The following GPATCH8 variants were observed in gnomAD, a reference collection of about 807,000 sequenced individuals.
GPATCH8 encodes the protein G-patch domain containing 8.
Under a neutral mutation model 118.3 loss-of-function variants are expected in GPATCH8, and 18 were observed. That is an observed-to-expected ratio of 0.15 (90% CI 0.11 to 0.23). GPATCH8 has a LOEUF of 0.23. GPATCH8 is among the 10% of genes least tolerant of loss of function. GPATCH8 has a pLI of 1.00. For missense variants in GPATCH8, 1,631 were observed against 1,873.8 expected (o/e 0.87, Z 2.39); for synonymous variants, 659 against 684.7 (o/e 0.96, Z 0.59).
intron 2 of GPATCH8, chr17:44,467,021 CAAA>C (rs2051795439): frequency 1.8e-6 from 1 of 567,074 alleles, no homozygotes; most frequent in African/African-American, 1.9e-5. Context: ...TGAATGCACT[CAAA>C]TAAACAGACA....
chr17:44,491,809 G>A (rs868848761), intron 1 of GPATCH8, among the ~76,000 whole-genome samples: 2 of 152,020 alleles, frequency 1.3e-5, no homozygotes, highest in Admixed American at 6.6e-5. Flanking sequence ...AGCAGTGATC[G>A]CAAATTTCCT....
chr17:44,427,956 T>C (rs1217901947), intron 5 of GPATCH8, among the ~76,000 whole-genome samples: 1 of 152,120 alleles, frequency 6.6e-6, no homozygotes, highest in Non-Finnish European at 1.5e-5. Flanking sequence ...TCCATCCATT[T>C]ATTTCCCACT....
intron 3 of GPATCH8, among the ~76,000 whole-genome samples, chr17:44,438,008 G>A (rs2050573867): frequency 6.7e-6 from 1 of 148,288 alleles, no homozygotes. Flanking sequence ...ACAATCAAAG[G>A]ACTGCCAGTA....
chr17:44,445,879 G>A (rs560677340), intron 3 of GPATCH8: 1 of 152,240 alleles, frequency 6.6e-6, no homozygotes, highest in Non-Finnish European at 1.5e-5. Flanking sequence ...ATGAAACTCA[G>A]GGGATCTGAA....
chr17:44,426,603 C>CAAAA (rs754510329), intron 5 of GPATCH8, among the ~76,000 whole-genome samples: 14 of 82,746 alleles, frequency 1.7e-4, no homozygotes, highest in Middle Eastern at 7.7e-3. Context: ...GACCTTGTCT[C>CAAAA]AAAAAAAAAA....
rs780225432 is a variant in GPATCH8, at chr17:44,396,537, TAGTC to T, written c.*1027_*1030del. The T allele has an allele frequency of 5.1e-5, 23 of 449,538 alleles. No homozygotes were observed. The highest frequency in any genetic ancestry group is 9.5e-5 in the South Asian group (6 of 63,396). The allele number at this position is 449,538 out of a possible 1,614,324, so 27.8% of individuals were successfully genotyped here. ...ATAAGTTTGGTAAAATATACATGCT[TAGTC>T]AGTTTTGCATCTAGCAGAAAACAAA... On this transcript the variant is annotated 3_prime_UTR_variant, in exon 8 of 8. Transcript: ENST00000591680.
intron 4 of GPATCH8, among the ~76,000 whole-genome samples, chr17:44,435,637 GA>G (rs1162436432): frequency 1.3e-5 from 2 of 148,576 alleles, no homozygotes; most frequent in African/African-American, 4.9e-5. Flanking sequence ...GGCTGATCTT[GA>G]ACTCCTCACC....
At chr17:44,441,808 C>A (rs906961882) in intron 3 of GPATCH8, among the ~76,000 whole-genome samples, 3 of 151,708 alleles carry the variant, frequency 2.0e-5, no homozygotes, top group African/African-American at 7.3e-5. Flanking sequence ...GCGGGTGGAT[C>A]ACCTGAGGTC....
chr17:44,404,229 C>T (rs1365398871), intron 7 of GPATCH8, among the ~76,000 whole-genome samples: 1 of 151,972 alleles, frequency 6.6e-6, no homozygotes, highest in Non-Finnish European at 1.5e-5. Flanking sequence ...CCTTGATCTC[C>T]CAGGCTCAAG....
intron 2 of GPATCH8, among the ~76,000 whole-genome samples, chr17:44,469,197 T>C (rs895810641): frequency 1.3e-5 from 2 of 152,234 alleles, no homozygotes; most frequent in African/African-American, 4.8e-5. Flanking sequence ...GGGAAGATCT[T>C]TGACAACAAG....
chr17:44,433,201 G>C (rs1489877518), intron 5 of GPATCH8, among the ~76,000 whole-genome samples: 2 of 151,830 alleles, frequency 1.3e-5, no homozygotes, highest in Non-Finnish European at 1.5e-5. Context: ...GAATTACTGA[G>C]GTATTTCATT....
chr17:44,496,705 G>A (rs1425264587), intron 1 of GPATCH8, among the ~76,000 whole-genome samples: 2 of 152,180 alleles, frequency 1.3e-5, no homozygotes, highest in African/African-American at 2.4e-5. Flanking sequence ...CTACTCATCT[G>A]TGTACAATGT....
At chr17:44,468,373 C>CTTTTT (rs869068538) in intron 2 of GPATCH8, among the ~76,000 whole-genome samples, 18 of 100,014 alleles carry the variant, frequency 1.8e-4, no homozygotes, top group South Asian at 3.5e-4. Flanking sequence ...TTCTTTGTTC[C>CTTTTT]TTTTTTTTTT....
At chr17:44,423,714 A>G (rs1287717834) in intron 6 of GPATCH8, among the ~76,000 whole-genome samples, 1 of 152,088 alleles carries the variant, frequency 6.6e-6, no homozygotes, top group African/African-American at 2.4e-5. Flanking sequence ...CATCTTCTGT[A>G]TATCAGTAAC....
At chr17:44,469,886 G>A (rs1214286448) in intron 2 of GPATCH8, among the ~76,000 whole-genome samples, 2 of 152,156 alleles carry the variant, frequency 1.3e-5, no homozygotes, top group African/African-American at 4.8e-5. Flanking sequence ...GTCTTATAAA[G>A]AATTACAGTT....
chr17:44,460,536 G>T (rs2051504949), intron 3 of GPATCH8, among the ~76,000 whole-genome samples: 1 of 152,116 alleles, frequency 6.6e-6, no homozygotes, highest in Admixed American at 6.5e-5. Flanking sequence ...ATCAGCACTG[G>T]AGCACCAAGA....
intron 1 of GPATCH8, among the ~76,000 whole-genome samples, chr17:44,492,782 T>C (rs1969358199): frequency 1.3e-5 from 2 of 152,126 alleles, no homozygotes; most frequent in African/African-American, 4.8e-5. Context: ...AGGATAAGCT[T>C]GTAGAACCCT....
At chr17:44,418,215 G>A (rs2049760034) in intron 6 of GPATCH8, among the ~76,000 whole-genome samples, 1 of 152,040 alleles carries the variant, frequency 6.6e-6, no homozygotes, top group African/African-American at 2.4e-5. Context: ...TGACTATAAA[G>A]GTGGTGCTGC....
chr17:44,461,749 A>T (rs2051558660), intron 3 of GPATCH8, among the ~76,000 whole-genome samples: 1 of 151,948 alleles, frequency 6.6e-6, no homozygotes, highest in Non-Finnish European at 1.5e-5. Flanking sequence ...GCTAGAGCGT[A>T]GTGGTGCGAT....
Sources: gnomAD v4.1 joint callset for allele counts (sites outside exome capture counted in the v4.1 genomes callset) on GRCh38, gnomAD v4.1.1 for gene constraint, MANE v1.5 for transcripts, NCBI Gene and HGNC (gene_info 2026-07-23, HGNC 2026-07-21) for gene names.